The following BRSK2 variants were observed in gnomAD, a reference collection of about 807,000 sequenced individuals.
The protein encoded by BRSK2 is serine/threonine-protein kinase BRSK2.
BRSK2 carries 19 observed loss-of-function variants against 83.3 expected under a neutral mutation model. The observed-to-expected ratio is 0.23, with a 90% CI of 0.16 to 0.33. BRSK2 has a LOEUF of 0.33. Ranked by LOEUF, BRSK2 falls within the 10% of genes least tolerant of loss-of-function variation. The pLI is 1.00. For synonymous variants in BRSK2, 519 were observed against 435.4 expected, an observed-to-expected ratio of 1.19 and a Z score of -2.39; for missense variants, 798 against 1,042.3, an observed-to-expected ratio of 0.77 and a Z score of 3.23.
intron 15 of BRSK2, among the ~76,000 whole-genome samples, chr11:1,452,825 G>A (rs570440289): frequency 7.9e-5 from 12 of 152,238 alleles, no homozygotes; most frequent in Non-Finnish European, 1.3e-4. Flanking sequence ...GGTCCAGCAC[G>A]GATGCCTCCC....
chr11:1,456,331 C>T lies in BRSK2; in HGVS notation c.1669-17C>T. On this transcript the variant is annotated splice_polypyrimidine_tract_variant and intron_variant, in intron 16 of 19. Transcript: ENST00000528841. ...ACCTGCCAGGCCAGCCACGCTCACG[C>T]TGCTCTCTCTCCACAGATTCCCAGT... 1 of 1,542,470 alleles carries T rather than the reference C, an allele frequency of 6.5e-7. No individual in the cohort carries two copies. The highest frequency in any genetic ancestry group is 1.2e-5 in the South Asian group (1 of 82,284).
Position 1,460,743 on chromosome 11 carries a change from C to CCG in BRSK2, c.*20_*21insCG. 7.2e-6 allele frequency: 10 copies of CCG among 1,383,714 alleles called. No individual in the cohort carries two copies. Among genetic ancestry groups the CCG allele is most frequent in the Non-Finnish European group, 9.4e-6 (10 of 1,066,964 alleles). 85.7% of individuals were successfully genotyped at this position (1,383,714 alleles called of 1,614,324 possible). On this transcript the variant is annotated 3_prime_UTR_variant, in exon 20 of 20. Transcript: ENST00000528841. ...CCTTAGACACACTAGCCCCCCCCCC[C>CCG]AGCACAGCACTGACAGCGGCTGCCT...
Position 1,451,233 on chromosome 11 carries a change from G to C in BRSK2, c.1496-138G>C, listed in dbSNP as rs533215799. 2,257 of 960,594 alleles carry C rather than the reference G, an allele frequency of 2.3e-3. 7 individuals carry two copies. Among genetic ancestry groups the C allele is most frequent in the Non-Finnish European group, 3.1e-3 (1,979 of 645,788 alleles). The allele number at this position is 960,594 out of a possible 1,614,324, so 59.5% of individuals were successfully genotyped here. A position where few individuals can be genotyped will look rare whatever the true frequency, so the allele number is the denominator to read the frequency against. On this transcript the variant is annotated intron_variant, in intron 14 of 19. Transcript: ENST00000528841. ...TCTAAGGTGGCCGGGAGCTGGGGTG[G>C]ACCAGTGCCCCTGGGGGGGCTGTCC...
At chr11:1,441,002 G>C (rs1851154701) in intron 4 of BRSK2, 74 bp downstream of exon 4, 3 of 1,311,306 alleles carry the variant, frequency 2.3e-6, no homozygotes, top group Middle Eastern at 5.2e-4. Flanking sequence ...GATGCCCCCT[G>C]TGCCCCAAGG....
At chr11:1,411,534 A>G in intron 1 of BRSK2, 2 of 1,547,536 alleles carry the variant, frequency 1.3e-6, no homozygotes, top group Non-Finnish European at 1.7e-6. Flanking sequence ...CGCACATCAC[A>G]GAGTGCCAGC....
chr11:1,425,523 G>A (rs1402310184), intron 1 of BRSK2, among the ~76,000 whole-genome samples: 3 of 152,220 alleles, frequency 2.0e-5, no homozygotes, highest in Admixed American at 1.3e-4. Flanking sequence ...AGCCGCCTCA[G>A]TGGGGTGGAG....
chr11:1,418,997 A>T (rs189841120), intron 1 of BRSK2, among the ~76,000 whole-genome samples: 70 of 152,242 alleles, frequency 4.6e-4, no homozygotes, highest in African/African-American at 1.5e-3. Context: ...TAATTGATTG[A>T]TCGGTTGATT....
intron 1 of BRSK2, among the ~76,000 whole-genome samples, chr11:1,391,208 A>T (rs991896784): frequency 6.6e-6 from 1 of 152,214 alleles, no homozygotes; most frequent in Non-Finnish European, 1.5e-5. Flanking sequence ...GGTCAGGCAC[A>T]TTCACAGAGT....
In BRSK2 at chr11:1,459,233, A is replaced by C; in HGVS notation, c.1981A>C (p.Lys661Gln). The C allele has an allele frequency of 6.2e-7, 1 of 1,613,710 alleles. No individual in the cohort carries two copies. Among genetic ancestry groups the C allele is most frequent in the Non-Finnish European group, 8.5e-7 (1 of 1,179,832 alleles). Residue 661 changes from lysine to glutamine, a missense_variant, in exon 19 of 20, where the codon AAA (lysine) becomes CAA (glutamine). Physicochemically the swap from Lys to Gln is moderately conservative, Grantham distance 53 (BLOSUM62 1). This residue lies in a region of BRSK2 where 455 missense variants were observed against 455.2 expected (regional missense o/e 1.00). Coordinates refer to ENST00000528841, the MANE Select transcript of BRSK2 (RefSeq NM_001256627.2). The part of the protein sequence containing the change: ...CMEMMTGRLS[K>Q]CGSPLSNFFD... ...GGAAATGATGACGGGGCGGCTTTCC[A>C]AATGTGGTAAGAATCCCCCACGCTC...
At chr11:1,445,250 C>T in intron 9 of BRSK2, 44 bp from the exon 10 acceptor site, 2 of 1,566,856 alleles carry the variant, frequency 1.3e-6, no homozygotes, top group South Asian at 1.2e-5. Context: ...GCCGCCCAGG[C>T]CCGGCCGGAG....
intron 1 of BRSK2, among the ~76,000 whole-genome samples, chr11:1,413,723 AAAG>A (rs1354752609): frequency 6.6e-6 from 1 of 152,146 alleles, no homozygotes; most frequent in Non-Finnish European, 1.5e-5. Context: ...GGGGGAACCA[AAAG>A]GAGGGGCCTG....
At chr11:1,451,260 A>AGT in intron 14 of BRSK2, 111 bp from the exon 15 acceptor site, 1 of 1,279,574 alleles carries the variant, frequency 7.8e-7, no homozygotes, top group Non-Finnish European at 1.1e-6. Context: ...GGGCTGTCCC[A>AGT]GTGTGTGTGG....
At position 1,450,784 on chromosome 11, in the gene BRSK2, G is replaced by T; in HGVS notation, c.1485G>T (p.Arg495=). 1 of 1,594,426 alleles carries T rather than the reference G, an allele frequency of 6.3e-7. No homozygotes were observed. The highest frequency in any genetic ancestry group is 2.3e-5 in the East Asian group (1 of 44,088). The change falls in exon 14 of 20, where the codon CGG becomes CGT. Residue 495 remains arginine (R), a synonymous_variant. Transcript: ENST00000528841. The part of the protein sequence containing the change: ...SFLGSPRFHR[R]KLQVPTPEEM... The stretch of plus-strand genomic sequence containing the variant: ...TGGGCTCACCCCGCTTCCACCGCCG[G>T]AAACTGCAAGGTGAGTGTCTGCCCG...
intron 1 of BRSK2, among the ~76,000 whole-genome samples, chr11:1,400,295 G>A (rs529257161): frequency 2.4e-4 from 36 of 152,246 alleles, no homozygotes; most frequent in African/African-American, 7.7e-4. Context: ...AGCTTTCCCC[G>A]GAGGCCCGGG....
chr11:1,416,770 A>G (rs1848135142), intron 1 of BRSK2, among the ~76,000 whole-genome samples: 1 of 152,074 alleles, frequency 6.6e-6, no homozygotes, highest in East Asian at 1.9e-4. Context: ...GTGTTCCTCC[A>G]GGTGTCTGTC....
At position 1,460,816 on chromosome 11, in the gene BRSK2, C is replaced by G. The variant is rs1847408153; in HGVS notation, c.*93C>G. ...CCCGAGTGGACCCGCGGCCGCGCCGCCCGTCCGTCCAGACTGTTCTCAGAG... is the reference window on the plus strand; with the variant it reads ...CCCGAGTGGACCCGCGGCCGCGCCGGCCGTCCGTCCAGACTGTTCTCAGAG... On this transcript the variant is annotated 3_prime_UTR_variant, in exon 20 of 20. Coordinates refer to ENST00000528841, the MANE Select transcript of BRSK2 (RefSeq NM_001256627.2). 2.0e-6 allele frequency: 3 copies of G among 1,487,368 alleles called. No homozygotes were observed. Among genetic ancestry groups the G allele is most frequent in the Non-Finnish European group, 1.8e-6 (2 of 1,128,264 alleles). 92.1% of individuals were successfully genotyped at this position (1,487,368 alleles called of 1,614,324 possible). A position where few individuals can be genotyped will look rare whatever the true frequency, so the allele number is the denominator to read the frequency against.
rs1336628162 is a variant in BRSK2 at position 1,438,670 on chromosome 11, G to T, written c.272+279G>T. 6.6e-6 allele frequency among the ~76,000 whole-genome samples: 1 copy of T among 152,130 alleles called. No homozygotes were observed. Among genetic ancestry groups the T allele is most frequent in the Non-Finnish European group, 1.5e-5 (1 of 68,010 alleles). On this transcript the variant is annotated intron_variant, in intron 3 of 19. Coordinates refer to ENST00000528841, the MANE Select transcript of BRSK2 (RefSeq NM_001256627.2). This position sits in a 1 kb window ranked among gnomAD's most constrained non-coding sequence, Gnocchi z 6.4. ...AGGGGGAACAGGACCTTCTGGAGGG[G>T]AGATAGGAGTTTCAGGGCAAGGGGC...
Position 1,434,132 on chromosome 11 carries a change from C to T in BRSK2, c.92-1908C>T, listed in dbSNP as rs181550691. On this transcript the variant is annotated intron_variant, in intron 1 of 19. Transcript: ENST00000528841. The stretch of plus-strand genomic sequence containing the variant: ...ACATGTGCGTGCACCAGGATAAAAA[C>T]GAGAACAGGAAAGGAGCCCAGAGCA... Among the ~76,000 whole-genome samples the T allele has an allele frequency of 1.0e-3, 159 of 152,332 alleles. No individual in the cohort carries two copies. In the Middle Eastern group the frequency reaches 0.031, roughly 29 times the overall value.
rs1428928152 is a variant in BRSK2, at chr11:1,423,177, A to G, written c.92-12863A>G. On this transcript the variant is annotated intron_variant, in intron 1 of 19. Coordinates refer to ENST00000528841, the MANE Select transcript of BRSK2 (RefSeq NM_001256627.2). The surrounding 1 kb of genome is among the most constrained non-coding windows in gnomAD (Gnocchi z 6.5). ...CCCCCAGAGCGGTGCCTCGTGGGGG[A>G]TGCGGTGCCTCGTGGGGGACATGGT... 6.6e-6 allele frequency among the ~76,000 whole-genome samples: 1 copy of G among 151,694 alleles called. No individual in the cohort carries two copies. The highest frequency in any genetic ancestry group is 1.9e-4 in the East Asian group (1 of 5,150).
Sources: allele counts gnomAD v4.1 joint callset (sites outside exome capture counted in the v4.1 genomes callset), GRCh38; gene constraint gnomAD v4.1.1; regional missense constraint gnomAD v4.1.1; non-coding constraint Gnocchi (gnomAD v3.1); transcripts MANE v1.5; gene names NCBI Gene and HGNC (gene_info 2026-07-23, HGNC 2026-07-21).